TRUB1: variants seen among roughly 807,000 people sequenced by gnomAD.
TRUB1 encodes pseudouridylate synthase TRUB1.
Under a neutral mutation model 33.9 loss-of-function variants are expected in TRUB1, and 23 were observed. The ratio of observed to expected loss-of-function variants is 0.68; its 90% confidence interval spans 0.49 to 0.96. TRUB1 has a LOEUF of 0.96. TRUB1 is among the 40% of genes least tolerant of loss of function. The pLI is 0.00. For missense variants in TRUB1, 378 were observed against 422.2 expected (o/e 0.90, Z 0.92); for synonymous variants, 163 against 165.4 (o/e 0.99, Z 0.11).
intron 2 of TRUB1, among the ~76,000 whole-genome samples, chr10:114,946,007 A>AT (rs768186512): frequency 2.0e-5 from 3 of 152,238 alleles, no homozygotes; most frequent in Non-Finnish European, 4.4e-5. Flanking sequence ...AGTTTAAAAA[A>AT]TTGTAGGTGT....
intron 6 of TRUB1, among the ~76,000 whole-genome samples, 182 bp from the exon 7 acceptor site, chr10:114,974,147 T>C (rs752617742): frequency 9.2e-5 from 14 of 152,334 alleles, no homozygotes; most frequent in South Asian, 2.1e-4. Context: ...CTCCACACTC[T>C]GACTTTTCAG....
intron 1 of TRUB1, among the ~76,000 whole-genome samples, chr10:114,941,133 G>A (rs754258980): frequency 3.9e-4 from 59 of 152,212 alleles, no homozygotes; most frequent in Non-Finnish European, 7.5e-4. Context: ...TGTCAGTGTT[G>A]ATAAGGAAGG....
In TRUB1 at chr10:114,942,676, G is replaced by A; in HGVS notation, c.318G>A (p.Lys106=). 6.2e-7 allele frequency: 1 copy of A among 1,614,046 alleles called. No homozygotes were observed. Among genetic ancestry groups the A allele is most frequent in the Non-Finnish European group, 8.5e-7 (1 of 1,179,946 alleles). The change falls in exon 2 of 8, where the codon AAG becomes AAA. Residue 106 remains lysine, a synonymous_variant. Transcript: ENST00000298746. ...EAGMPSPEWT[K]RKKQTLKIGH... ...GAATGCCTTCTCCAGAATGGACCAA[G>A]AGGAAAAAGCAGACTTTGAAAATTG... is the stretch of plus-strand genomic sequence containing the variant.
chr10:114,972,252 C>A lies in TRUB1; in HGVS notation c.714C>A (p.Phe238Leu). The A allele has an allele frequency of 6.2e-7, 1 of 1,606,490 alleles. No homozygotes were observed. Among genetic ancestry groups the A allele is most frequent in the Non-Finnish European group, 8.5e-7 (1 of 1,178,316 alleles). ...VTVYSISLQK[F>L]QPPFFTLDVE... ...TATACAGTATCTCCCTTCAAAAATT[C>A]CAGCCACCATTTTTCACATTAGGTA... The change falls in exon 6 of 8, where the codon TTC (phenylalanine) becomes TTA (leucine). Residue 238 changes from phenylalanine to leucine, a missense_variant. Phe to Leu is a conservative substitution (Grantham distance 22). Coordinates refer to ENST00000298746, the MANE Select transcript of TRUB1 (RefSeq NM_139169.5).
Position 114,975,138 on chromosome 10 carries a change from CCAA to C in TRUB1, c.810_812del (p.Asn271del). 6.2e-7 allele frequency: 1 copy of C among 1,610,098 alleles called. No homozygotes were observed. The highest frequency in any genetic ancestry group is 2.2e-5 in the East Asian group (1 of 44,820). ...GTTGCCATAGAACTATCTTCCTGTG[CCAA>C]TGTGCTAGAGCTGACCCGAACCAAA... On this transcript the variant is annotated inframe_deletion, in exon 8 of 8. Transcript: ENST00000298746.
chr10:114,961,387 C>G (rs1417133934), intron 4 of TRUB1, among the ~76,000 whole-genome samples: 1 of 152,020 alleles, frequency 6.6e-6, no homozygotes, highest in Non-Finnish European at 1.5e-5. Context: ...TCAACCATGA[C>G]CTAGGTTTTG....
chr10:114,938,368 G>C lies in TRUB1; in HGVS notation c.115G>C (p.Ala39Pro). The C allele has an allele frequency of 6.2e-7, 1 of 1,610,812 alleles. No individual in the cohort carries two copies. The highest frequency in any genetic ancestry group is 8.5e-7 in the Non-Finnish European group (1 of 1,178,738). The change falls in exon 1 of 8, where the codon GCT becomes CCT. Residue 39 changes from alanine (A) to proline (P), a missense_variant. By Grantham distance (27) the Ala-to-Pro change is conservative (BLOSUM62 -1). Transcript: ENST00000298746. ...AAMAATPSAR[A>P]AAAVVAAAAR... ...AATGGCTGCGACCCCGTCAGCAAGG[G>C]CTGCAGCCGCGGTGGTTGCGGCCGC...
At chr10:114,959,897 T>G (rs765917630) in intron 4 of TRUB1, 90 bp downstream of exon 4, 13 of 745,560 alleles carry the variant, frequency 1.7e-5, no homozygotes, top group Non-Finnish European at 2.9e-5. Context: ...TCTGATATTA[T>G]CAGCCATTTT....
chr10:114,966,461 G>C (rs2143023722), intron 4 of TRUB1, among the ~76,000 whole-genome samples: 1 of 152,102 alleles, frequency 6.6e-6, no homozygotes, highest in South Asian at 2.1e-4. Flanking sequence ...TGCCATTCTT[G>C]GTCCTTTGCA....
intron 3 of TRUB1, among the ~76,000 whole-genome samples, chr10:114,956,306 G>A (rs1041832487): frequency 5.3e-5 from 8 of 152,232 alleles, no homozygotes; most frequent in South Asian, 2.1e-4. Flanking sequence ...CCAGGTATAC[G>A]TCTTGGAGAA....
chr10:114,944,818 CTA>C (rs1361342348), intron 2 of TRUB1, among the ~76,000 whole-genome samples: 1 of 152,066 alleles, frequency 6.6e-6, no homozygotes, highest in Non-Finnish European at 1.5e-5. Flanking sequence ...AACCCCATCT[CTA>C]TAAAAAATTA....
chr10:114,965,167 G>C (rs776108436), intron 4 of TRUB1, among the ~76,000 whole-genome samples: 11 of 151,844 alleles, frequency 7.2e-5, no homozygotes, highest in Non-Finnish European at 1.3e-4. Context: ...CTGACCTTGT[G>C]ATCTGCCTGC....
At chr10:114,950,560 T>A (rs921045049) in intron 2 of TRUB1, among the ~76,000 whole-genome samples, 2 of 152,224 alleles carry the variant, frequency 1.3e-5, no homozygotes, top group East Asian at 3.8e-4. Context: ...GCTCTGTAAA[T>A]ACATTCTTCA....
rs962978828 is a variant in TRUB1, at chr10:114,975,142, T to C, written c.813T>C (p.Asn271=). 3 of 1,610,186 alleles carry C rather than the reference T, an allele frequency of 1.9e-6. No homozygotes were observed. The highest frequency in any genetic ancestry group is 2.5e-6 in the Non-Finnish European group (3 of 1,178,650). ...CCATAGAACTATCTTCCTGTGCCAA[T>C]GTGCTAGAGCTGACCCGAACCAAAC... ...DIGKELSSCA[N]VLELTRTKQG... Residue 271 remains asparagine (N), a synonymous_variant, in exon 8 of 8, where the codon AAT becomes AAC. Coordinates refer to ENST00000298746, the MANE Select transcript of TRUB1 (RefSeq NM_139169.5).
intron 4 of TRUB1, among the ~76,000 whole-genome samples, chr10:114,960,438 T>C (rs553077433): frequency 6.6e-6 from 1 of 152,302 alleles, no homozygotes; most frequent in South Asian, 2.1e-4. Context: ...TCTAAGTCAG[T>C]TCACCTGCAT....
At chr10:114,941,436 C>A (rs951876565) in intron 1 of TRUB1, among the ~76,000 whole-genome samples, 6 of 151,810 alleles carry the variant, frequency 4.0e-5, no homozygotes, top group Non-Finnish European at 5.9e-5. Context: ...CTCCTGAGCT[C>A]AAGCAGTCCT....
At chr10:114,954,083 G>T (rs1268454539) in intron 3 of TRUB1, among the ~76,000 whole-genome samples, 1 of 151,266 alleles carries the variant, frequency 6.6e-6, no homozygotes, top group Non-Finnish European at 1.5e-5. Flanking sequence ...AAATGTGGCT[G>T]CAGCCCCCTA....
chr10:114,945,271 A>T (rs2084206574), intron 2 of TRUB1, among the ~76,000 whole-genome samples: 1 of 152,202 alleles, frequency 6.6e-6, no homozygotes, highest in Non-Finnish European at 1.5e-5. Context: ...TTTGTTCCTC[A>T]TGCCCTGTGC....
chr10:114,954,105 A>G (rs1253480398), intron 3 of TRUB1, among the ~76,000 whole-genome samples: 5 of 151,484 alleles, frequency 3.3e-5, no homozygotes, highest in African/African-American at 1.2e-4. Flanking sequence ...CTTGGCCCAG[A>G]TCTAATGTCC....
Sources: gnomAD v4.1 joint callset for allele counts (sites outside exome capture counted in the v4.1 genomes callset) on GRCh38, gnomAD v4.1.1 for gene constraint, MANE v1.5 for transcripts, NCBI Gene and HGNC (gene_info 2026-07-23, HGNC 2026-07-21) for gene names.